The following RORA variants were observed in gnomAD, a reference collection of about 807,000 sequenced individuals.
The protein encoded by RORA is RAR related orphan receptor A, also known as nuclear receptor ROR-alpha.
In RORA, 7 loss-of-function variants were observed where a neutral mutation model predicts 69.5. The observed-to-expected ratio is 0.10, with a 90% CI of 0.06 to 0.19. The LOEUF (loss-of-function observed/expected upper bound fraction) is 0.19, where lower values mean the gene tolerates loss of function less well. Among genes scored for constraint, RORA ranks in the 10% least tolerant of loss-of-function variants. The pLI is 1.00. For synonymous variants in RORA, 261 were observed against 240.8 expected (o/e 1.08, Z -0.78); for missense variants, 457 against 663.0 (o/e 0.69, Z 3.41).
At chr15:60,804,450 C>A (rs1465764198) in intron 1 of RORA, among the ~76,000 whole-genome samples, 1 of 152,110 alleles carries the variant, frequency 6.6e-6, no homozygotes, top group Non-Finnish European at 1.5e-5. Flanking sequence ...GAAACTGAGG[C>A]TCAGGGAGGT....
At chr15:61,014,367 C>T (rs890804049) in intron 1 of RORA, among the ~76,000 whole-genome samples, 2 of 152,234 alleles carry the variant, frequency 1.3e-5, no homozygotes, top group Non-Finnish European at 2.9e-5. Flanking sequence ...TCCTCATGTC[C>T]TTGACAGAGA....
At chr15:61,106,320 G>A (rs2078948240) in intron 1 of RORA, among the ~76,000 whole-genome samples, 1 of 152,212 alleles carries the variant, frequency 6.6e-6, no homozygotes, top group South Asian at 2.1e-4. Flanking sequence ...GATGAGGTGA[G>A]ACCATACAGA....
At chr15:60,599,026 G>A (rs975947024) in intron 2 of RORA, among the ~76,000 whole-genome samples, 1 of 152,168 alleles carries the variant, frequency 6.6e-6, no homozygotes, top group Non-Finnish European at 1.5e-5. Context: ...GAAAATAAAC[G>A]CAATGCTTAT....
intron 2 of RORA, among the ~76,000 whole-genome samples, chr15:60,653,326 T>TGC (rs748740591): frequency 8.0e-5 from 12 of 149,744 alleles, no homozygotes; most frequent in Non-Finnish European, 1.2e-4. Flanking sequence ...TGTGTGTGTG[T>TGC]GTGCGTATTT....
chr15:61,144,330 G>T (rs1432661502), intron 1 of RORA, among the ~76,000 whole-genome samples: 2 of 152,224 alleles, frequency 1.3e-5, no homozygotes, highest in African/African-American at 4.8e-5. Flanking sequence ...GGTAAAAAAG[G>T]AGCTGAGCCT....
chr15:60,594,296 C>T lies in RORA; in HGVS notation c.197-62445G>A, dbSNP rs889357555. Among the ~76,000 whole-genome samples the T allele has an allele frequency of 1.2e-4, 18 of 152,324 alleles. No homozygotes were observed. The East Asian group carries it at 3.3e-3, about 28-fold the overall frequency. On this transcript the variant is annotated intron_variant, in intron 2 of 10. Coordinates refer to ENST00000335670, the MANE Select transcript of RORA (RefSeq NM_134261.3). ...ACTATATCTCCCAATGAGGCAACGC[C>T]CCTCAGTTACACTGACACCATCATT...
In RORA at chr15:60,912,679, G is replaced by A. The variant is rs573392617; in HGVS notation, c.167-233993C>T. Among the ~76,000 whole-genome samples, 43 of 152,246 alleles carry A rather than the reference G, an allele frequency of 2.8e-4. No homozygotes were observed. In the South Asian group the frequency reaches 3.1e-3, roughly 11 times the overall value. ...TGAGGCAGGAGAATGGCAGGAACCC[G>A]GGCGGCGGAGCTTGCAGTGAGCCAA... is the stretch of plus-strand genomic sequence containing the variant. On this transcript the variant is annotated intron_variant, in intron 1 of 10. Transcript: ENST00000335670.
chr15:60,671,493 T>A (rs1321063284), intron 2 of RORA, among the ~76,000 whole-genome samples: 1 of 152,056 alleles, frequency 6.6e-6, no homozygotes, highest in East Asian at 1.9e-4. Context: ...AGTAAGAAGG[T>A]TGGCTAGGCG....
At chr15:60,620,047 CT>C (rs2069362913) in intron 2 of RORA, among the ~76,000 whole-genome samples, 1 of 152,252 alleles carries the variant, frequency 6.6e-6, no homozygotes, top group Non-Finnish European at 1.5e-5. Flanking sequence ...CGGTCAGCAT[CT>C]CTCACTATCT....
chr15:60,789,781 G>A (rs1281881624), intron 1 of RORA, among the ~76,000 whole-genome samples: 1 of 152,242 alleles, frequency 6.6e-6, no homozygotes, highest in Non-Finnish European at 1.5e-5. Flanking sequence ...TGAAGTTTAA[G>A]TTTTATCAGC....
intron 1 of RORA, among the ~76,000 whole-genome samples, chr15:60,952,044 A>G (rs1893117111): frequency 6.6e-6 from 1 of 151,016 alleles, no homozygotes; most frequent in Non-Finnish European, 1.5e-5. Context: ...ATCCTCAATA[A>G]AATACTGGCA....
intron 2 of RORA, among the ~76,000 whole-genome samples, chr15:60,649,471 A>G (rs1444635734): frequency 6.6e-6 from 1 of 152,214 alleles, no homozygotes; most frequent in Non-Finnish European, 1.5e-5. Flanking sequence ...AAACTCTGCC[A>G]TGCATGTCAG....
intron 1 of RORA, among the ~76,000 whole-genome samples, chr15:61,197,145 G>T (rs2079852448): frequency 6.6e-6 from 1 of 152,184 alleles, no homozygotes; most frequent in African/African-American, 2.4e-5. Flanking sequence ...TGTAATAGCT[G>T]GTTTGAAAAC....
chr15:60,903,827 A>G (rs1397323762), intron 1 of RORA, among the ~76,000 whole-genome samples: 6 of 152,206 alleles, frequency 3.9e-5, no homozygotes, highest in Non-Finnish European at 7.4e-5. Context: ...AATGAATATA[A>G]TATCTTCTAA....
At chr15:60,776,929 T>C (rs2072175760) in intron 1 of RORA, among the ~76,000 whole-genome samples, 1 of 152,238 alleles carries the variant, frequency 6.6e-6, no homozygotes, top group African/African-American at 2.4e-5. Context: ...TTGTATTTAC[T>C]GCTAATTGTC....
chr15:60,610,412 G>A (rs1278436764), intron 2 of RORA, among the ~76,000 whole-genome samples: 1 of 151,896 alleles, frequency 6.6e-6, no homozygotes, highest in Non-Finnish European at 1.5e-5. Flanking sequence ...ATCTCACCAG[G>A]GGTGACCTTC....
At position 60,943,916 on chromosome 15, in the gene RORA, C is replaced by CAAAAAAAAAAAAAAAA. The variant is rs545168599; in HGVS notation, c.167-265246_167-265231dup. Among the ~76,000 whole-genome samples the CAAAAAAAAAAAAAAAA allele has an allele frequency of 2.1e-3, 67 of 32,352 alleles. 7 individuals are homozygous for CAAAAAAAAAAAAAAAA. Among genetic ancestry groups the CAAAAAAAAAAAAAAAA allele is most frequent in the African/African-American group, 7.1e-3 (64 of 9,024 alleles). The allele number at this position is 32,352 out of a possible 152,430, so 21.2% of individuals were successfully genotyped here. On this transcript the variant is annotated intron_variant, in intron 1 of 10. Coordinates refer to ENST00000335670, the MANE Select transcript of RORA (RefSeq NM_134261.3). ...GGGTGACAGAGCCAGACTCCATCTC[C>CAAAAAAAAAAAAAAAA]AAAAAAAAAAAAAAAAAAAAAAAAG...
At chr15:60,958,249 T>C (rs981511769) in intron 1 of RORA, among the ~76,000 whole-genome samples, 2 of 152,206 alleles carry the variant, frequency 1.3e-5, no homozygotes, top group African/African-American at 4.8e-5. Flanking sequence ...AAACACCAGA[T>C]TCAAATTACC....
intron 1 of RORA, among the ~76,000 whole-genome samples, chr15:60,865,625 A>T (rs2073478858): frequency 6.6e-6 from 1 of 152,202 alleles, no homozygotes; most frequent in African/African-American, 2.4e-5. Context: ...GAAAGGAATA[A>T]ATCAAATCAG....
Sources: gnomAD v4.1 joint callset for allele counts (sites outside exome capture counted in the v4.1 genomes callset) on GRCh38, gnomAD v4.1.1 for gene constraint, MANE v1.5 for transcripts, NCBI Gene and HGNC (gene_info 2026-07-23, HGNC 2026-07-21) for gene names.